Variants in THTPA observed in about 807,000 individuals in gnomAD.
THTPA encodes thiamine-triphosphatase.
In THTPA, 16 loss-of-function variants were observed where a neutral mutation model predicts 16.5. The observed-to-expected ratio is 0.97, with a 90% CI of 0.66 to 1.47. THTPA has a LOEUF of 1.47. Ranked by LOEUF, THTPA falls within the 40% of genes most tolerant of loss-of-function variation. The probability of loss-of-function intolerance (pLI) is 0.00; values close to 1 mark genes in which losing one functional copy is unlikely to be tolerated. For synonymous variants in THTPA, 110 were observed against 115.5 expected (o/e 0.95, Z 0.30); for missense variants, 281 against 280.9 (o/e 1.00, Z 0.00).
At chr14:23,533,489 T>C in the THTPA span, 3 of 1,535,984 alleles carry the variant, frequency 2.0e-6, no homozygotes, top group Non-Finnish European at 2.6e-6. This position sits in a 1 kb window ranked among gnomAD's most constrained non-coding sequence, Gnocchi z 4.8. Context: ...CCTGGCCCCA[T>C]CAATCCAGGT....
At chr14:23,538,441 C>A in the THTPA span, among the ~76,000 whole-genome samples, 1 of 151,884 alleles carries the variant, frequency 6.6e-6, no homozygotes, top group African/African-American at 2.4e-5. Context: ...TTTCACTCCT[C>A]CATCTTTCCT....
the THTPA span, among the ~76,000 whole-genome samples, chr14:23,548,744 T>C: frequency 6.6e-6 from 1 of 152,244 alleles, no homozygotes; most frequent in Non-Finnish European, 1.5e-5. Context: ...GTCTCTTCCC[T>C]GGATATTTCT....
chr14:23,526,232 G>A, the THTPA span: 1 of 1,536,354 alleles, frequency 6.5e-7, no homozygotes, highest in Non-Finnish European at 8.7e-7. Context: ...GGTGGTGGGT[G>A]GGGCACCGGC....
At chr14:23,526,743 C>T in the THTPA span, 5 of 1,533,640 alleles carry the variant, frequency 3.3e-6, no homozygotes, top group Non-Finnish European at 4.4e-6. Context: ...CCCACCCACT[C>T]AATACCAAGG....
upstream of THTPA, among the ~76,000 whole-genome samples, chr14:23,554,884 A>G (rs1015139382): frequency 6.6e-6 from 1 of 152,194 alleles, no homozygotes; most frequent in Non-Finnish European, 1.5e-5. Flanking sequence ...ATATAGTTAG[A>G]GTCTCCAGAT....
chr14:23,525,082 G>T, the THTPA span: 1 of 1,536,136 alleles, frequency 6.5e-7, no homozygotes, highest in Non-Finnish European at 8.7e-7. The surrounding 1 kb of genome is among the most constrained non-coding windows in gnomAD (Gnocchi z 5.9). Context: ...CTCCGTCTTT[G>T]GGGTAGGCGC....
chr14:23,549,276 T>A, the THTPA span, among the ~76,000 whole-genome samples: 2 of 152,106 alleles, frequency 1.3e-5, no homozygotes, highest in African/African-American at 4.8e-5. Flanking sequence ...ATCCCTCACG[T>A]CATACATTTC....
chr14:23,523,362 C>A, the THTPA span: 1 of 1,475,432 alleles, frequency 6.8e-7, no homozygotes, highest in East Asian at 2.5e-5. The surrounding 1 kb of genome is among the most constrained non-coding windows in gnomAD (Gnocchi z 4.1). Flanking sequence ...GCCTCAGGTG[C>A]TGGGGCCAAG....
At chr14:23,529,992 C>A in the THTPA span, 1 of 1,080,644 alleles carries the variant, frequency 9.3e-7, no homozygotes, top group Non-Finnish European at 1.4e-6. Context: ...TCCCTTCCCC[C>A]TGATGAGCCC....
chr14:23,516,697 C>T, the THTPA span, among the ~76,000 whole-genome samples: 1 of 152,218 alleles, frequency 6.6e-6, no homozygotes, highest in East Asian at 1.9e-4. Flanking sequence ...GCCTGGGTCC[C>T]GGGTAATGGA....
chr14:23,520,856 C>T, the THTPA span: 1 of 150,390 alleles, frequency 6.6e-6, no homozygotes, highest in East Asian at 1.9e-4. The surrounding 1 kb of genome is among the most constrained non-coding windows in gnomAD (Gnocchi z 8.7). Context: ...AAACACTTGT[C>T]TGATGGGAGT....
chr14:23,550,939 G>GA, the THTPA span, among the ~76,000 whole-genome samples: 8 of 151,714 alleles, frequency 5.3e-5, no homozygotes, highest in Non-Finnish European at 7.4e-5. Context: ...TGACAGCTCT[G>GA]AGCCCTCACA....
chr14:23,546,333 C>T, the THTPA span, among the ~76,000 whole-genome samples: 3 of 152,172 alleles, frequency 2.0e-5, no homozygotes, highest in African/African-American at 7.2e-5. This position sits in a 1 kb window ranked among gnomAD's most constrained non-coding sequence, Gnocchi z 4.7. Flanking sequence ...GGCTCCTGTT[C>T]TCTCATTAGA....
the THTPA span, among the ~76,000 whole-genome samples, chr14:23,541,576 C>G: frequency 3.3e-5 from 5 of 152,118 alleles, no homozygotes; most frequent in African/African-American, 1.2e-4. Context: ...CCTGAGCCAC[C>G]ACACCCGGCC....
the THTPA span, chr14:23,532,517 GT>G: frequency 6.3e-6 from 9 of 1,421,276 alleles, no homozygotes; most frequent in Non-Finnish European, 8.2e-6. Flanking sequence ...TCCTCCCTCT[GT>G]CCCCATTCCC....
In THTPA at chr14:23,558,913, C is replaced by T; in HGVS notation, c.*73C>T. ...CCACTCCTGGGCCCACTGTGCCTCTCCCCTCAGTGTCCCTTCTGACAGTGA... is the reference window on the plus strand; with the variant it reads ...CCACTCCTGGGCCCACTGTGCCTCTTCCCTCAGTGTCCCTTCTGACAGTGA... On this transcript the variant is annotated 3_prime_UTR_variant, in exon 2 of 2. Transcript: ENST00000288014. 1.9e-6 allele frequency: 3 copies of T among 1,569,976 alleles called. No individual in the cohort carries two copies. Among genetic ancestry groups the T allele is most frequent in the Non-Finnish European group, 2.6e-6 (3 of 1,151,470 alleles).
chr14:23,518,888 TG>T, the THTPA span, among the ~76,000 whole-genome samples: 2 of 152,244 alleles, frequency 1.3e-5, no homozygotes, highest in Non-Finnish European at 2.9e-5. The surrounding 1 kb of genome is among the most constrained non-coding windows in gnomAD (Gnocchi z 4.5). Context: ...CATTGCTCTC[TG>T]GAGCAGGACT....
chr14:23,556,969 G>C lies in THTPA; in HGVS notation c.212G>C (p.Gly71Ala), dbSNP rs773544754. 1.2e-6 allele frequency: 2 copies of C among 1,614,082 alleles called. No individual in the cohort carries two copies. Among genetic ancestry groups the C allele is most frequent in the African/African-American group, 1.3e-5 (1 of 74,918 alleles). ...GWELKCPGAAGVLGPHTEYKE... is the reference protein window; with the variant it reads ...GWELKCPGAAAVLGPHTEYKE... ...GAGCTCAAATGTCCTGGAGCAGCAG[G>C]TGTCTTAGGACCCCACACGGAGTAT... Residue 71 changes from glycine to alanine, a missense_variant, in exon 1 of 2, where the codon GGT becomes GCT. By Grantham distance (60) the Gly-to-Ala change is moderately conservative (BLOSUM62 0). Transcript: ENST00000288014.
At chr14:23,530,838 G>A in the THTPA span, 4 of 232,570 alleles carry the variant, frequency 1.7e-5, no homozygotes, top group East Asian at 2.9e-4. Flanking sequence ...CCATGCCCTC[G>A]CCCTTGCCCA....
Sources: allele counts gnomAD v4.1 joint callset (sites outside exome capture counted in the v4.1 genomes callset), GRCh38; gene constraint gnomAD v4.1.1; non-coding constraint Gnocchi (gnomAD v3.1); transcripts MANE v1.5; gene names NCBI Gene and HGNC (gene_info 2026-07-23, HGNC 2026-07-21).